Variants in TAF3 observed in about 807,000 individuals in gnomAD.
TAF3 encodes the protein TATA-box binding protein associated factor 3.
TAF3 carries 7 observed loss-of-function variants against 80.6 expected under a neutral mutation model. The observed-to-expected ratio is 0.09, with a 90% CI of 0.05 to 0.16. The LOEUF is 0.16. TAF3 is among the 10% of genes least tolerant of loss of function. The pLI, the probability that TAF3 is intolerant of heterozygous loss-of-function variation, is 1.00. For synonymous variants in TAF3, 444 were observed against 446.1 expected (o/e 1.00, Z 0.06); for missense variants, 921 against 1,140.2 (o/e 0.81, Z 2.77).
chr10:7,819,343 C>G (rs772260371), intron 1 of TAF3, among the ~76,000 whole-genome samples: 2 of 152,032 alleles, frequency 1.3e-5, no homozygotes, highest in Admixed American at 6.6e-5. Context: ...ACTACATAGA[C>G]TCGTTGACAG....
rs1325867287 is a variant in TAF3, at chr10:7,883,928, C to A, written c.409+59368C>A. ...CGGGGAGAGGGGACTCTCAGAGTCACCAGGCAACGCAGGGCATCACATGGC... is the reference window on the plus strand; with the variant it reads ...CGGGGAGAGGGGACTCTCAGAGTCAACAGGCAACGCAGGGCATCACATGGC... On this transcript the variant is annotated intron_variant, in intron 2 of 6. Transcript: ENST00000344293. 2.6e-5 allele frequency among the ~76,000 whole-genome samples: 4 copies of A among 152,102 alleles called. No homozygotes were observed. The East Asian group carries it at 7.7e-4, about 29-fold the overall frequency.
At chr10:7,949,517 C>T (rs867892147) in intron 2 of TAF3, among the ~76,000 whole-genome samples, 2 of 152,244 alleles carry the variant, frequency 1.3e-5, no homozygotes. Flanking sequence ...CCTTCTTTGA[C>T]ACTTGGATTT....
chr10:7,851,596 A>G (rs981469687), intron 2 of TAF3, among the ~76,000 whole-genome samples: 1 of 152,132 alleles, frequency 6.6e-6, no homozygotes, highest in African/African-American at 2.4e-5. Flanking sequence ...CTTCACCCGT[A>G]TCTACTCATG....
At chr10:7,901,074 A>T (rs1837553890) in intron 2 of TAF3, among the ~76,000 whole-genome samples, 2 of 6,578 alleles carry the variant, frequency 3.0e-4, no homozygotes, top group Admixed American at 4.0e-3. Flanking sequence ...ACTGCATTTG[A>T]TTATAATTTA....
At chr10:7,905,194 T>A (rs923689394) in intron 2 of TAF3, among the ~76,000 whole-genome samples, 1 of 152,116 alleles carries the variant, frequency 6.6e-6, no homozygotes, top group Non-Finnish European at 1.5e-5. Flanking sequence ...ACACCCTACG[T>A]TAGAGTTTGA....
At chr10:7,898,788 T>G (rs150437058) in intron 2 of TAF3, among the ~76,000 whole-genome samples, 1 of 152,274 alleles carries the variant, frequency 6.6e-6, no homozygotes, top group East Asian at 1.9e-4. Flanking sequence ...GAAACTGTCT[T>G]ATTAAATTGT....
intron 2 of TAF3, among the ~76,000 whole-genome samples, chr10:7,930,583 A>G (rs1366921904): frequency 1.3e-5 from 2 of 152,320 alleles, no homozygotes; most frequent in African/African-American, 2.4e-5. Flanking sequence ...TTAATTCTAT[A>G]TAGTAGCTGG....
At chr10:7,901,981 G>T (rs1018894333) in intron 2 of TAF3, among the ~76,000 whole-genome samples, 2 of 151,948 alleles carry the variant, frequency 1.3e-5, no homozygotes, top group African/African-American at 4.8e-5. Flanking sequence ...GCACGTGGAC[G>T]CTCCTCCAGA....
Position 8,012,353 on chromosome 10 carries a change from C to T in TAF3, c.2569-1378C>T, listed in dbSNP as rs187197908. On this transcript the variant is annotated intron_variant, in intron 5 of 6. Transcript: ENST00000344293. ...AATGCCACTTAAATTCCCTTAGCTC[C>T]GGTTTCCCCATTCATAAGCTACCCA... is the stretch of plus-strand genomic sequence containing the variant. Among the ~76,000 whole-genome samples, 10 of 152,294 alleles carry T rather than the reference C, an allele frequency of 6.6e-5. No homozygotes were observed. The East Asian group carries it at 9.6e-4, about 15-fold the overall frequency.
At chr10:7,837,800 C>G (rs1042996910) in intron 2 of TAF3, among the ~76,000 whole-genome samples, 2 of 152,098 alleles carry the variant, frequency 1.3e-5, no homozygotes, top group African/African-American at 4.8e-5. Context: ...GCCTGGGTGA[C>G]AGAGTGGGAC....
intron 2 of TAF3, among the ~76,000 whole-genome samples, chr10:7,887,712 A>T (rs533624839): frequency 2.6e-4 from 39 of 152,174 alleles, no homozygotes; most frequent in Non-Finnish European, 5.0e-4. Context: ...AAAGGCTTCA[A>T]TCCAAGCTAA....
chr10:8,009,353 G>A lies in TAF3; in HGVS notation c.2568+23G>A, dbSNP rs1211917989. 6.3e-7 allele frequency: 1 copy of A among 1,583,100 alleles called. No homozygotes were observed. Among genetic ancestry groups the A allele is most frequent in the East Asian group, 2.4e-5 (1 of 41,900 alleles). On this transcript the variant is annotated intron_variant, in intron 5 of 6. Coordinates refer to ENST00000344293, the MANE Select transcript of TAF3 (RefSeq NM_031923.4). This position sits in a 1 kb window ranked among gnomAD's most constrained non-coding sequence, Gnocchi z 4.1. Reference sequence around the variant, plus strand: ...GTGGTGCGTACCTGCCGCCCGCGCGGTTAGCATGGAGACGTTTTCAGATCG... The same window carrying A: ...GTGGTGCGTACCTGCCGCCCGCGCGATTAGCATGGAGACGTTTTCAGATCG...
intron 1 of TAF3, among the ~76,000 whole-genome samples, chr10:7,819,668 A>G (rs762187873): frequency 6.6e-6 from 1 of 150,868 alleles, no homozygotes; most frequent in Non-Finnish European, 1.5e-5. Context: ...GAAGCTCCAC[A>G]TTATCTTGTT....
At chr10:8,006,291 A>G (rs997555324) in intron 4 of TAF3, among the ~76,000 whole-genome samples, 1 of 151,572 alleles carries the variant, frequency 6.6e-6, no homozygotes, top group African/African-American at 2.4e-5. Flanking sequence ...CGGGAGAATC[A>G]CTTGAACCCA....
intron 4 of TAF3, among the ~76,000 whole-genome samples, chr10:8,007,347 G>A (rs1832004160): frequency 6.6e-6 from 1 of 151,744 alleles, no homozygotes; most frequent in Non-Finnish European, 1.5e-5. Flanking sequence ...CAGTAATGCA[G>A]TATGTATTGT....
chr10:7,872,213 A>ATTTTTTTTTTT (rs34945620), intron 2 of TAF3, among the ~76,000 whole-genome samples: 1,947 of 120,630 alleles, frequency 0.016, 13 homozygotes, highest in East Asian at 0.024. Context: ...TGTTGGGTTG[A>ATTTTTTTTTTT]TTTTTTTTTT....
intron 2 of TAF3, among the ~76,000 whole-genome samples, chr10:7,894,898 G>A (rs1321942145): frequency 1.3e-5 from 2 of 151,886 alleles, no homozygotes; most frequent in South Asian, 2.1e-4. Flanking sequence ...TGGATTTTTG[G>A]TTTTTGAGAC....
chr10:7,959,891 A>ACT (rs1838172774), intron 2 of TAF3, among the ~76,000 whole-genome samples: 1 of 152,244 alleles, frequency 6.6e-6, no homozygotes, highest in African/African-American at 2.4e-5. Flanking sequence ...AAACTGTCTT[A>ACT]CTAGTAGTCC....
intron 2 of TAF3, among the ~76,000 whole-genome samples, chr10:7,871,812 G>A (rs2131146084): frequency 6.6e-6 from 1 of 152,162 alleles, no homozygotes; most frequent in East Asian, 1.9e-4. Flanking sequence ...TACATTTAAT[G>A]AATTAGATTT....
Sources: gnomAD v4.1 joint callset for allele counts (sites outside exome capture counted in the v4.1 genomes callset) on GRCh38, gnomAD v4.1.1 for gene constraint, Gnocchi (gnomAD v3.1) non-coding constraint, MANE v1.5 for transcripts, NCBI Gene and HGNC (gene_info 2026-07-23, HGNC 2026-07-21) for gene names.